The following CTNNA3 variants were observed in gnomAD, a reference collection of about 807,000 sequenced individuals.
CTNNA3 encodes catenin alpha-3.
In CTNNA3, 76 loss-of-function variants were observed where a neutral mutation model predicts 95.7. The ratio of observed to expected loss-of-function variants is 0.79; its 90% CI spans 0.66 to 0.96. The LOEUF (loss-of-function observed/expected upper bound fraction) is 0.96, where lower values mean the gene tolerates loss of function less well. Among genes scored for constraint, CTNNA3 ranks in the 40% least tolerant of loss-of-function variants. The pLI, the probability that CTNNA3 is intolerant of heterozygous loss-of-function variation, is 0.00. For synonymous variants in CTNNA3, 431 were observed against 374.4 expected, an observed-to-expected ratio of 1.15 and a Z score of -1.74; for missense variants, 1,191 against 1,089.8, an observed-to-expected ratio of 1.09 and a Z score of -1.31.
chr10:67,190,855 C>T (rs751663830), intron 6 of CTNNA3, among the ~76,000 whole-genome samples: 37 of 151,944 alleles, frequency 2.4e-4, no homozygotes, highest in Non-Finnish European at 1.6e-4. Context: ...ATCCGATAAA[C>T]GATATTATCC....
intron 1 of CTNNA3, among the ~76,000 whole-genome samples, chr10:67,722,694 T>C (rs1382825663): frequency 6.6e-6 from 1 of 152,188 alleles, no homozygotes; most frequent in Non-Finnish European, 1.5e-5. Flanking sequence ...CAGTAATTAA[T>C]GCCTATACCA....
chr10:67,595,663 A>G (rs1842914709), intron 3 of CTNNA3, among the ~76,000 whole-genome samples: 1 of 152,020 alleles, frequency 6.6e-6, no homozygotes, highest in Non-Finnish European at 1.5e-5. Flanking sequence ...TCAAGTGTTG[A>G]GTTTAGGTTT....
At chr10:66,893,021 T>C (rs901051151) in intron 7 of CTNNA3, among the ~76,000 whole-genome samples, 3 of 152,158 alleles carry the variant, frequency 2.0e-5, no homozygotes, top group Non-Finnish European at 2.9e-5. Flanking sequence ...TCAACTGTCA[T>C]GTTTAGTTGT....
intron 5 of CTNNA3, among the ~76,000 whole-genome samples, chr10:67,288,086 A>AGGCAGGAAGAACACC (rs1564537218): frequency 2.0e-5 from 3 of 152,242 alleles, no homozygotes; most frequent in African/African-American, 7.2e-5. Context: ...ACTGAAATTG[A>AGGCAGGAAGAACACC]TTAGTCCAAT....
At chr10:66,618,712 G>A (rs570921750) in intron 10 of CTNNA3, among the ~76,000 whole-genome samples, 1 of 152,014 alleles carries the variant, frequency 6.6e-6, no homozygotes, top group African/African-American at 2.4e-5. Flanking sequence ...TGACAAATGG[G>A]ATCTAATTAA....
At chr10:66,307,442 T>C (rs939200047) in intron 12 of CTNNA3, among the ~76,000 whole-genome samples, 2 of 152,198 alleles carry the variant, frequency 1.3e-5, no homozygotes, top group Non-Finnish European at 2.9e-5. Context: ...CAGTTTTTAG[T>C]CATGATTCTA....
At chr10:66,899,406 CA>C (rs1202398921) in intron 7 of CTNNA3, among the ~76,000 whole-genome samples, 1 of 152,094 alleles carries the variant, frequency 6.6e-6, no homozygotes, top group Non-Finnish European at 1.5e-5. Flanking sequence ...CCAAGATGGC[CA>C]AATAGGAACA....
chr10:66,363,002 A>T (rs2092687447), intron 12 of CTNNA3, among the ~76,000 whole-genome samples: 1 of 152,206 alleles, frequency 6.6e-6, no homozygotes, highest in Non-Finnish European at 1.5e-5. Context: ...CTTAGATCAG[A>T]TGACTTAGTC....
Position 66,091,451 on chromosome 10 carries a change from T to C in CTNNA3, c.1977+11706A>G, listed in dbSNP as rs1381850. On this transcript the variant is annotated intron_variant, in intron 14 of 17. Transcript: ENST00000433211. ...CCCAAAGCACATATATGGTTAACAC[T>C]GTTTATTTATTGACTCAATAAATAT... 3.5e-4 allele frequency among the ~76,000 whole-genome samples: 53 copies of C among 152,060 alleles called. 2 individuals carry two copies. The South Asian group carries it at 0.011, about 30-fold the overall frequency.
At chr10:66,157,082 G>T (rs2084547561) in intron 13 of CTNNA3, among the ~76,000 whole-genome samples, 1 of 151,752 alleles carries the variant, frequency 6.6e-6, no homozygotes, top group African/African-American at 2.4e-5. Flanking sequence ...GGTACAAGTG[G>T]TATTGGTTAC....
chr10:67,362,541 T>A (rs1326047780), intron 5 of CTNNA3, among the ~76,000 whole-genome samples: 1 of 152,136 alleles, frequency 6.6e-6, no homozygotes, highest in Non-Finnish European at 1.5e-5. Flanking sequence ...TCTTAATAGA[T>A]GCAAAAGAAG....
intron 7 of CTNNA3, among the ~76,000 whole-genome samples, chr10:66,802,077 A>G (rs1418855577): frequency 6.6e-6 from 1 of 151,796 alleles, no homozygotes; most frequent in Non-Finnish European, 1.5e-5. Flanking sequence ...TTTTAATACC[A>G]CAAACAAAAA....
At chr10:67,145,060 G>A (rs561699151) in intron 7 of CTNNA3, among the ~76,000 whole-genome samples, 1 of 152,224 alleles carries the variant, frequency 6.6e-6, no homozygotes, top group East Asian at 1.9e-4. Context: ...CAGGCCCAAG[G>A]AGAAGGAGAA....
At chr10:66,248,078 A>G (rs1663028865) in intron 13 of CTNNA3, among the ~76,000 whole-genome samples, 1 of 152,172 alleles carries the variant, frequency 6.6e-6, no homozygotes, top group South Asian at 2.1e-4. Flanking sequence ...AGAATACATA[A>G]AAACATAAAA....
At chr10:66,691,853 G>A (rs905974873) in intron 9 of CTNNA3, among the ~76,000 whole-genome samples, 1 of 152,164 alleles carries the variant, frequency 6.6e-6, no homozygotes, top group South Asian at 2.1e-4. Context: ...GGCAAACAGG[G>A]TCTGGAGTGG....
intron 9 of CTNNA3, among the ~76,000 whole-genome samples, chr10:66,691,148 G>C (rs71493990): frequency 0.18 from 27,074 of 152,106 alleles, 3,054 homozygotes; most frequent in East Asian, 0.33. Context: ...AGCTGAAGCA[G>C]GGCAAGGCAT....
chr10:66,002,438 G>A lies in CTNNA3; in HGVS notation c.2160-13641C>T, dbSNP rs79846428. On this transcript the variant is annotated intron_variant, in intron 15 of 17. Coordinates refer to ENST00000433211, the MANE Select transcript of CTNNA3 (RefSeq NM_013266.4). The stretch of plus-strand genomic sequence containing the variant: ...AAAAAGGAATTGCTCCATGAAAGAG[G>A]GAAAATGTTTGTCTGGCATTGTATA... Among the ~76,000 whole-genome samples the A allele has an allele frequency of 1.1e-4, 17 of 152,202 alleles. No individual in the cohort carries two copies. The East Asian group carries it at 3.3e-3, about 29-fold the overall frequency.
chr10:67,186,427 C>T (rs895970969), intron 6 of CTNNA3, among the ~76,000 whole-genome samples: 3 of 152,214 alleles, frequency 2.0e-5, no homozygotes, highest in African/African-American at 7.2e-5. Context: ...ACTTCCGATT[C>T]TTCAAGCTCA....
intron 7 of CTNNA3, among the ~76,000 whole-genome samples, chr10:66,877,474 C>T (rs770611667): frequency 4.7e-4 from 72 of 152,178 alleles, no homozygotes; most frequent in Non-Finnish European, 9.3e-4. Context: ...TCACCAATGC[C>T]TGCTGCCTTT....
Sources: allele counts gnomAD v4.1 joint callset (sites outside exome capture counted in the v4.1 genomes callset), GRCh38; gene constraint gnomAD v4.1.1; transcripts MANE v1.5; gene names NCBI Gene and HGNC (gene_info 2026-07-23, HGNC 2026-07-21).